Variants in SLC38A12 observed in about 807,000 individuals in gnomAD.
The protein encoded by SLC38A12 is solute carrier family 38 member 12, also known as putative sodium-coupled neutral amino acid transporter 12.
At chr17:74,811,954 G>A in the SLC38A12 span, among the ~76,000 whole-genome samples, 1 of 151,932 alleles carries the variant, frequency 6.6e-6, no homozygotes, top group African/African-American at 2.4e-5. Context: ...GCTTAGGCGG[G>A]CAGATCGCTT....
the SLC38A12 span, chr17:74,777,344 T>C: frequency 3.7e-6 from 6 of 1,614,038 alleles, no homozygotes. Flanking sequence ...GCGGGTGAAA[T>C]TACAGAGACC....
At chr17:74,809,952 G>C in the SLC38A12 span, among the ~76,000 whole-genome samples, 2 of 152,122 alleles carry the variant, frequency 1.3e-5, no homozygotes, top group Non-Finnish European at 2.9e-5. Flanking sequence ...GCGAAGGGAC[G>C]GGTCTTTCCT....
At chr17:74,820,761 C>A in the SLC38A12 span, among the ~76,000 whole-genome samples, 14 of 152,248 alleles carry the variant, frequency 9.2e-5, no homozygotes, top group Admixed American at 8.5e-4. Flanking sequence ...CTTCCCCAGC[C>A]CCGTTTCCCA....
At chr17:74,785,603 G>A in the SLC38A12 span, 1 of 1,613,268 alleles carries the variant, frequency 6.2e-7, no homozygotes, top group Non-Finnish European at 8.5e-7. Context: ...GGCTTCATGA[G>A]GTGAGAGGCA....
chr17:74,805,171 A>G, the SLC38A12 span, among the ~76,000 whole-genome samples: 1 of 152,166 alleles, frequency 6.6e-6, no homozygotes. This position sits in a 1 kb window ranked among gnomAD's most constrained non-coding sequence, Gnocchi z 5.0. Flanking sequence ...GGAGAGGCCT[A>G]CTCTGGTCTT....
At chr17:74,835,958 C>A in the SLC38A12 span, 2 of 1,611,152 alleles carry the variant, frequency 1.2e-6, no homozygotes, top group Non-Finnish European at 1.7e-6. Flanking sequence ...TGGCCCTGAT[C>A]CGCATCGGGC....
At chr17:74,794,957 A>G in the SLC38A12 span, 15 of 1,467,722 alleles carry the variant, frequency 1.0e-5, no homozygotes, top group Non-Finnish European at 1.3e-5. Context: ...GAAAAAAAAA[A>G]AAACATGCAG....
At chr17:74,782,927 C>T in the SLC38A12 span, among the ~76,000 whole-genome samples, 180 of 152,198 alleles carry the variant, frequency 1.2e-3, no homozygotes, top group African/African-American at 4.2e-3. Context: ...GTCAGGGGTT[C>T]GAGACCCAGC....
chr17:74,789,677 C>G, the SLC38A12 span, among the ~76,000 whole-genome samples: 1 of 151,730 alleles, frequency 6.6e-6, no homozygotes, highest in Non-Finnish European at 1.5e-5. Context: ...GAAACCCCAT[C>G]TCTACTAAAA....
At chr17:74,819,656 A>G in the SLC38A12 span, 2 of 1,247,316 alleles carry the variant, frequency 1.6e-6, no homozygotes, top group African/African-American at 1.5e-5. Context: ...GGCCTTAGCT[A>G]TGGGCGGAGG....
the SLC38A12 span, chr17:74,836,027 T>G: frequency 6.2e-7 from 1 of 1,611,648 alleles, no homozygotes; most frequent in Non-Finnish European, 8.5e-7. The surrounding 1 kb of genome is among the most constrained non-coding windows in gnomAD (Gnocchi z 4.2). Context: ...GGAACCTGTT[T>G]GGGGTGTGCG....
chr17:74,792,786 C>T, the SLC38A12 span, among the ~76,000 whole-genome samples: 2 of 152,238 alleles, frequency 1.3e-5, no homozygotes, highest in Non-Finnish European at 2.9e-5. Context: ...CCTGCTGGAC[C>T]GGCCTCACAG....
chr17:74,788,936 A>C, the SLC38A12 span: 3 of 1,456,458 alleles, frequency 2.1e-6, no homozygotes, highest in Non-Finnish European at 2.8e-6. Flanking sequence ...AGGCGGTCTC[A>C]GCAGCCCATT....
chr17:74,815,349 G>T, the SLC38A12 span, among the ~76,000 whole-genome samples: 1 of 152,182 alleles, frequency 6.6e-6, no homozygotes, highest in African/African-American at 2.4e-5. Flanking sequence ...CTTGGGATTG[G>T]CTGTGACAGA....
chr17:74,836,316 G>A, the SLC38A12 span: 28 of 1,612,796 alleles, frequency 1.7e-5, no homozygotes, highest in East Asian at 1.8e-4. This position sits in a 1 kb window ranked among gnomAD's most constrained non-coding sequence, Gnocchi z 4.2. Flanking sequence ...CATCATTGCC[G>A]TGACCCTGCG....
At chr17:74,788,460 C>G in the SLC38A12 span, among the ~76,000 whole-genome samples, 1 of 152,190 alleles carries the variant, frequency 6.6e-6, no homozygotes, top group African/African-American at 2.4e-5. Context: ...CCTCTGATGT[C>G]TGCCCCCAAC....
At chr17:74,786,649 G>A in the SLC38A12 span, among the ~76,000 whole-genome samples, 4 of 152,162 alleles carry the variant, frequency 2.6e-5, no homozygotes, top group South Asian at 2.1e-4. Flanking sequence ...GAGTGGGTGC[G>A]GGCGGAAGGA....
the SLC38A12 span, chr17:74,795,203 A>G: frequency 1.8e-5 from 19 of 1,068,090 alleles, no homozygotes; most frequent in Non-Finnish European, 2.6e-5. Flanking sequence ...GCACCATGCC[A>G]AGTGAGTTCA....
the SLC38A12 span, chr17:74,819,696 AG>A: frequency 1.3e-6 from 2 of 1,550,226 alleles, no homozygotes; most frequent in African/African-American, 2.7e-5. Flanking sequence ...TTCCGTGTGC[AG>A]ACAGTCTGCT....
Sources: gnomAD v4.1 joint callset for allele counts (sites outside exome capture counted in the v4.1 genomes callset) on GRCh38, gnomAD v4.1.1 for gene constraint, Gnocchi (gnomAD v3.1) non-coding constraint, MANE v1.5 for transcripts, NCBI Gene and HGNC (gene_info 2026-07-23, HGNC 2026-07-21) for gene names.